Variants in MEGF6 observed in about 807,000 individuals in gnomAD.
The protein encoded by MEGF6 is multiple epidermal growth factor-like domains protein 6.
Under a neutral mutation model 207.1 loss-of-function variants are expected in MEGF6, and 184 were observed. That is an observed-to-expected ratio of 0.89 (90% CI 0.79 to 1.00). MEGF6 has a LOEUF of 1.00. Ranked by LOEUF, MEGF6 falls within the 50% of genes least tolerant of loss-of-function variation. The pLI, the probability that MEGF6 is intolerant of heterozygous loss-of-function variation, is 0.00. For missense variants in MEGF6, 2,282 were observed against 2,202.9 expected (o/e 1.04, Z -0.72); for synonymous variants, 1,038 against 910.0 (o/e 1.14, Z -2.53).
intron 5 of MEGF6, among the ~76,000 whole-genome samples, chr1:3,516,632 G>A (rs960817068): frequency 3.9e-5 from 6 of 152,244 alleles, no homozygotes; most frequent in Non-Finnish European, 7.3e-5. Context: ...GCTGCATAGC[G>A]GATGGGAAGC....
At chr1:3,506,049 G>A in intron 15 of MEGF6, 59 bp downstream of exon 15, 1 of 1,527,804 alleles carries the variant, frequency 6.5e-7, no homozygotes, top group Non-Finnish European at 8.8e-7. Flanking sequence ...ACAGGACATG[G>A]ACCATCCCTT....
chr1:3,612,558 G>C (rs575139733), upstream of MEGF6, among the ~76,000 whole-genome samples: 127 of 152,294 alleles, frequency 8.3e-4, no homozygotes, highest in African/African-American at 2.9e-3. Context: ...TGGGGGCCAG[G>C]TGTGGCCCCC....
chr1:3,500,498 G>A (rs1640809553), intron 21 of MEGF6, 135 bp downstream of exon 21: 3 of 1,293,044 alleles, frequency 2.3e-6, no homozygotes, highest in African/African-American at 1.5e-5. Context: ...CGCACAGGAG[G>A]GGGCGCGGCC....
chr1:3,501,423 A>G, intron 18 of MEGF6, 115 bp from the exon 19 acceptor site: 1 of 1,413,026 alleles, frequency 7.1e-7, no homozygotes, highest in Non-Finnish European at 9.5e-7. Context: ...CACTGTTACC[A>G]TCTCAGCCTG....
intron 3 of MEGF6, 34 bp downstream of exon 3, chr1:3,595,304 G>A: frequency 6.7e-7 from 1 of 1,493,520 alleles, no homozygotes; most frequent in Admixed American, 1.7e-5. Flanking sequence ...GGGTGGAGGT[G>A]GAGGGAGGGC....
At position 3,491,586 on chromosome 1, in the gene MEGF6, T is replaced by C. The variant is rs140440191; in HGVS notation, c.4517-627A>G. 1.7e-3 allele frequency among the ~76,000 whole-genome samples: 263 copies of C among 152,076 alleles called. 5 individuals carry two copies. In the East Asian group the frequency reaches 0.042, roughly 24 times the overall value. ...CACACATACACAAAGTCAAGACTAT[T>C]TGGGGGCCTCCAAGCGGAGGACCCC... is the stretch of plus-strand genomic sequence containing the variant. On this transcript the variant is annotated intron_variant, in intron 35 of 36. Coordinates refer to ENST00000356575, the MANE Select transcript of MEGF6 (RefSeq NM_001409.4).
At chr1:3,602,093 G>A (rs1481831207) in intron 2 of MEGF6, among the ~76,000 whole-genome samples, 2 of 152,232 alleles carry the variant, frequency 1.3e-5, no homozygotes, top group African/African-American at 2.4e-5. Context: ...AAAGTTTCAC[G>A]TGTGTTGGGG....
chr1:3,510,982 G>C, intron 9 of MEGF6, 80 bp from the exon 10 acceptor site: 1 of 1,525,916 alleles, frequency 6.6e-7, no homozygotes, highest in Non-Finnish European at 8.9e-7. Context: ...AACTGCATAC[G>C]ACCACACACA....
chr1:3,533,345 T>C (rs1642232690), intron 4 of MEGF6, among the ~76,000 whole-genome samples: 1 of 152,224 alleles, frequency 6.6e-6, no homozygotes, highest in Non-Finnish European at 1.5e-5. Flanking sequence ...GCCCCTCCCA[T>C]CAGCCTCTGA....
chr1:3,541,438 T>C lies in MEGF6; in HGVS notation c.482-17192A>G, dbSNP rs111229103. Among the ~76,000 whole-genome samples, 413 of 152,236 alleles carry C rather than the reference T, an allele frequency of 2.7e-3. 3 individuals carry two copies. Among genetic ancestry groups the C allele is most frequent in the African/African-American group, 9.1e-3 (376 of 41,542 alleles). On this transcript the variant is annotated intron_variant, in intron 4 of 36. Transcript: ENST00000356575. ...AGGCCCTGCCATGGGTGGGACAAAG[T>C]GTTGCTCCCACAGGAAGGTCAGAGA...
intron 34 of MEGF6, chr1:3,493,436 C>A: frequency 2.5e-6 from 1 of 394,782 alleles, no homozygotes; most frequent in Non-Finnish European, 4.6e-6. Context: ...GCTGGAGGGG[C>A]CACAGCCCCC....
At chr1:3,522,849 A>C (rs1428313529) in intron 5 of MEGF6, among the ~76,000 whole-genome samples, 5 of 152,166 alleles carry the variant, frequency 3.3e-5, no homozygotes, top group Non-Finnish European at 7.4e-5. Flanking sequence ...GTGCCCCCCA[A>C]GAGCTGCCTC....
chr1:3,522,692 T>C (rs1257738391), intron 5 of MEGF6, among the ~76,000 whole-genome samples: 1 of 151,788 alleles, frequency 6.6e-6, no homozygotes, highest in Non-Finnish European at 1.5e-5. Context: ...AAACAAAGCC[T>C]AGGAGAGTGA....
chr1:3,497,053 G>A lies in MEGF6; in HGVS notation c.3548C>T (p.Ala1183Val), dbSNP rs1165019950. 1.9e-6 allele frequency: 3 copies of A among 1,557,714 alleles called. No individual in the cohort carries two copies. The highest frequency in any genetic ancestry group is 2.4e-5 in the East Asian group (1 of 41,652). ...QMCQCPGENPACHPATGTCSC... is the reference protein window; with the variant it reads ...QMCQCPGENPVCHPATGTCSC... Reference sequence around the variant, plus strand: ...GCAGGTCCCGGTGGCAGGGTGGCAGGCCGGGTTCTCACCGGGACACTGGCA... The same window carrying A: ...GCAGGTCCCGGTGGCAGGGTGGCAGACCGGGTTCTCACCGGGACACTGGCA... The change falls in exon 28 of 37, where the codon GCC (alanine) becomes GTC (valine). Residue 1183 changes from alanine to valine, a missense_variant. Transcript: ENST00000356575.
chr1:3,535,395 T>C (rs760580916), intron 4 of MEGF6, among the ~76,000 whole-genome samples: 36 of 152,112 alleles, frequency 2.4e-4, no homozygotes, highest in Non-Finnish European at 3.4e-4. Flanking sequence ...GTCACTCACA[T>C]CAGACACCCT....
intron 4 of MEGF6, chr1:3,531,029 C>T: frequency 7.0e-7 from 1 of 1,437,240 alleles, no homozygotes; most frequent in Non-Finnish European, 9.1e-7. Context: ...GGGAGCGCGC[C>T]GGGGAGCGCC....
At position 3,488,192 on chromosome 1, in the gene MEGF6, A is replaced by G. The variant is rs181326092; in HGVS notation, c.*2336T>C. ...TCCGTCGTCATTTGTAACCGTTAAC[A>G]TTAGGATCTGTGAGCGTGTTTTCTA... On this transcript the variant is annotated 3_prime_UTR_variant, in exon 37 of 37. Transcript: ENST00000356575. 6.6e-6 allele frequency among the ~76,000 whole-genome samples: 1 copy of G among 152,314 alleles called. No individual in the cohort carries two copies. Among genetic ancestry groups the G allele is most frequent in the African/African-American group, 2.4e-5 (1 of 41,566 alleles).
At chr1:3,610,886 A>G (rs1570260001) in intron 1 of MEGF6, among the ~76,000 whole-genome samples, 1 of 132,874 alleles carries the variant, frequency 7.5e-6, no homozygotes, top group East Asian at 2.7e-4. Flanking sequence ...AGCCTGCAGG[A>G]CCCACATCAC....
intron 2 of MEGF6, among the ~76,000 whole-genome samples, chr1:3,600,106 A>G (rs1644135317): frequency 6.6e-6 from 1 of 152,066 alleles, no homozygotes; most frequent in South Asian, 2.1e-4. Context: ...CAGCGCCAGG[A>G]GCCTGCCCAG....
Sources: gnomAD v4.1 joint callset for allele counts (sites outside exome capture counted in the v4.1 genomes callset) on GRCh38, gnomAD v4.1.1 for gene constraint, MANE v1.5 for transcripts, NCBI Gene and HGNC (gene_info 2026-07-23, HGNC 2026-07-21) for gene names.